WDR49: variants seen among roughly 807,000 people sequenced by gnomAD.
WDR49 encodes the protein cilia- and flagella-associated protein 337.
In WDR49, 107 loss-of-function variants were observed where a neutral mutation model predicts 119.5. That is an observed-to-expected ratio of 0.90 (90% CI 0.77 to 1.05). The LOEUF is 1.05. WDR49 is among the 50% of genes least tolerant of loss of function. The probability of loss-of-function intolerance (pLI) is 0.00; values close to 1 mark genes in which losing one functional copy is unlikely to be tolerated. For missense variants in WDR49, 1,240 were observed against 1,220.5 expected, an observed-to-expected ratio of 1.02 and a Z score of -0.24; for synonymous variants, 425 against 418.8, an observed-to-expected ratio of 1.01 and a Z score of -0.18.
intron 15 of WDR49, among the ~76,000 whole-genome samples, chr3:167,526,169 A>G (rs1256045872): frequency 6.6e-6 from 1 of 152,182 alleles, no homozygotes; most frequent in Non-Finnish European, 1.5e-5. Flanking sequence ...AATTATTCTC[A>G]TGAGGGCTTT....
rs900099034 is a variant in WDR49 at position 167,549,377 on chromosome 3, T to C, written c.1823+5273A>G. Among the ~76,000 whole-genome samples, 3 of 152,322 alleles carry C rather than the reference T, an allele frequency of 2.0e-5. No homozygotes were observed. In the South Asian group the frequency reaches 6.2e-4, roughly 32 times the overall value. ...CTGTTGTTTCCTGACTTTTTAACGATAGCCATTCTAACTGGTGTGAGATGG... is the reference window on the plus strand; with the variant it reads ...CTGTTGTTTCCTGACTTTTTAACGACAGCCATTCTAACTGGTGTGAGATGG... On this transcript the variant is annotated intron_variant, in intron 10 of 18. Coordinates refer to ENST00000682715, the MANE Select transcript of WDR49 (RefSeq NM_001366157.1).
rs1016983933 is a variant in WDR49, at chr3:167,627,047, T to C, written c.411A>G (p.Val137=). Residue 137 remains valine (V), a synonymous_variant, in exon 3 of 19, where the codon GTA becomes GTG. Coordinates refer to ENST00000682715, the MANE Select transcript of WDR49 (RefSeq NM_001366157.1). The stretch of plus-strand genomic sequence containing the variant: ...CTTTTTGAATGGTGTCCTTGTGTTT[T>C]ACTGGGAGGAATTCAAGGTCCTTCC... ...PQWKDLEFLP[V]KHKDTIQKVI... 1.1e-4 allele frequency: 141 copies of C among 1,316,158 alleles called. No homozygotes were observed. The highest frequency in any genetic ancestry group is 1.3e-4 in the Non-Finnish European group (134 of 1,033,790). 81.5% of individuals were successfully genotyped at this position (1,316,158 alleles called of 1,614,324 possible). A position where few individuals can be genotyped will look rare whatever the true frequency, so the allele number is the denominator to read the frequency against.
intron 16 of WDR49, 77 bp from the exon 17 acceptor site, chr3:167,505,493 T>C: frequency 2.2e-6 from 3 of 1,390,608 alleles, no homozygotes; most frequent in South Asian, 1.6e-5. Flanking sequence ...ATGTGTATCT[T>C]TGACCAAAAA....
intron 9 of WDR49, among the ~76,000 whole-genome samples, chr3:167,558,587 AC>A (rs1713082699): frequency 6.6e-6 from 1 of 152,198 alleles, no homozygotes; most frequent in Non-Finnish European, 1.5e-5. Context: ...TTCAGTTGAG[AC>A]TTGAGGTGCA....
chr3:167,609,733 A>T (rs548039555), intron 5 of WDR49, among the ~76,000 whole-genome samples: 1 of 152,296 alleles, frequency 6.6e-6, no homozygotes, highest in South Asian at 2.1e-4. Context: ...GAGGGCTGGC[A>T]TCACCCTCCT....
intron 2 of WDR49, among the ~76,000 whole-genome samples, chr3:167,635,288 A>T (rs1449380117): frequency 1.3e-5 from 2 of 151,748 alleles, no homozygotes; most frequent in Non-Finnish European, 3.0e-5. Flanking sequence ...ATAAATTTAC[A>T]TTCCCATCAA....
At chr3:167,499,365 C>A (rs1751474750) in intron 18 of WDR49, among the ~76,000 whole-genome samples, 1 of 152,168 alleles carries the variant, frequency 6.6e-6, no homozygotes, top group Non-Finnish European at 1.5e-5. Flanking sequence ...TTTGAAACCA[C>A]AGATCTCAGA....
At chr3:167,500,937 C>T (rs918022279) in intron 17 of WDR49, among the ~76,000 whole-genome samples, 1 of 152,020 alleles carries the variant, frequency 6.6e-6, no homozygotes, top group South Asian at 2.1e-4. Flanking sequence ...GGGTTTTTGT[C>T]ACGATGGTGA....
intron 2 of WDR49, among the ~76,000 whole-genome samples, chr3:167,647,061 G>T (rs79037453): frequency 3.9e-4 from 60 of 152,226 alleles, no homozygotes; most frequent in African/African-American, 1.4e-3. Context: ...AAACCAAAAT[G>T]CCACAAATAA....
intron 7 of WDR49, among the ~76,000 whole-genome samples, chr3:167,587,235 G>A (rs1374142489): frequency 5.9e-5 from 9 of 152,038 alleles, no homozygotes; most frequent in Non-Finnish European, 1.0e-4. Flanking sequence ...CAATGCTCCG[G>A]TATCCAAATC....
rs561262773 is a variant in WDR49, at chr3:167,578,516, A to C, written c.1276-2365T>G. Among the ~76,000 whole-genome samples the C allele has an allele frequency of 1.3e-3, 201 of 152,202 alleles. 2 individuals are homozygous for C. The highest frequency in any genetic ancestry group is 0.012 in the Admixed American group (183 of 15,276). On this transcript the variant is annotated intron_variant, in intron 7 of 18. Coordinates refer to ENST00000682715, the MANE Select transcript of WDR49 (RefSeq NM_001366157.1). ...CTAGTGACTCAGAAAGAAGAAGAAA[A>C]ATTACTAATACTCCTTTTCTCCCTT...
intron 7 of WDR49, among the ~76,000 whole-genome samples, chr3:167,593,977 C>T (rs1348825970): frequency 3.3e-5 from 5 of 152,156 alleles, no homozygotes; most frequent in East Asian, 1.9e-4. Context: ...TTCCCCTTCA[C>T]CTTCTTCCAT....
At position 167,632,779 on chromosome 3, in the gene WDR49, A is replaced by G. The variant is rs564056820; in HGVS notation, c.166-5487T>C. ...CTCTGGAACTAGAATTAATTCATTCATCTCATCCTACTATATATATCATAC... is the reference window on the plus strand; with the variant it reads ...CTCTGGAACTAGAATTAATTCATTCGTCTCATCCTACTATATATATCATAC... On this transcript the variant is annotated intron_variant, in intron 2 of 18. Transcript: ENST00000682715. Among the ~76,000 whole-genome samples, 7 of 152,144 alleles carry G rather than the reference A, an allele frequency of 4.6e-5. No homozygotes were observed. In the East Asian group the frequency reaches 1.4e-3, roughly 29 times the overall value.
intron 18 of WDR49, among the ~76,000 whole-genome samples, chr3:167,482,498 T>C (rs1171094470): frequency 7.2e-6 from 1 of 138,186 alleles, no homozygotes; most frequent in Non-Finnish European, 1.6e-5. Flanking sequence ...TGAAACCCCG[T>C]CTCTACTAAA....
intron 2 of WDR49, among the ~76,000 whole-genome samples, chr3:167,631,314 A>G (rs139418906): frequency 4.8e-4 from 73 of 152,192 alleles, no homozygotes; most frequent in Non-Finnish European, 7.7e-4. Context: ...AAATAAATAA[A>G]TAATTTAAAA....
At chr3:167,622,669 G>T (rs1019632030) in intron 3 of WDR49, among the ~76,000 whole-genome samples, 1 of 152,046 alleles carries the variant, frequency 6.6e-6, no homozygotes, top group Non-Finnish European at 1.5e-5. Flanking sequence ...CAACTGAGCT[G>T]AAGATCGGTA....
At chr3:167,507,574 A>G (rs1751821211) in intron 16 of WDR49, among the ~76,000 whole-genome samples, 1 of 152,192 alleles carries the variant, frequency 6.6e-6, no homozygotes, top group Non-Finnish European at 1.5e-5. Context: ...GGCCACGGTA[A>G]AGAGGTTTCC....
chr3:167,623,978 A>G (rs745308847), intron 3 of WDR49, among the ~76,000 whole-genome samples: 1 of 152,044 alleles, frequency 6.6e-6, no homozygotes, highest in Non-Finnish European at 1.5e-5. Flanking sequence ...CAGTTTTTAC[A>G]AAGTATCCAT....
At chr3:167,603,584 C>T (rs999741882) in intron 6 of WDR49, among the ~76,000 whole-genome samples, 5 of 152,040 alleles carry the variant, frequency 3.3e-5, no homozygotes, top group Non-Finnish European at 5.9e-5. Context: ...ATTCCGTAGA[C>T]CATGTGTATG....
Sources: gnomAD v4.1 joint callset for allele counts (sites outside exome capture counted in the v4.1 genomes callset) on GRCh38, gnomAD v4.1.1 for gene constraint, MANE v1.5 for transcripts, NCBI Gene and HGNC (gene_info 2026-07-23, HGNC 2026-07-21) for gene names.